Variants in SMARCAD1 observed in about 807,000 individuals in gnomAD.
The protein encoded by SMARCAD1 is SWI/SNF-related matrix-associated actin-dependent regulator of chromatin subfamily A containing DEAD/H box 1.
A neutral mutation model predicts 127.1 loss-of-function variants in SMARCAD1; 25 were observed. The observed-to-expected ratio is 0.20, with a 90% confidence interval of 0.14 to 0.27. The LOEUF is 0.27. Ranked by LOEUF, SMARCAD1 falls within the 10% of genes least tolerant of loss-of-function variation. The pLI is 1.00. For missense variants in SMARCAD1, 807 were observed against 1,206.0 expected, an observed-to-expected ratio of 0.67 and a Z score of 4.90; for synonymous variants, 400 against 396.9, an observed-to-expected ratio of 1.01 and a Z score of -0.09.
At chr4:94,252,424 T>C (rs1426333701) in intron 8 of SMARCAD1, among the ~76,000 whole-genome samples, 192 bp from the exon 9 acceptor site, 2 of 152,252 alleles carry the variant, frequency 1.3e-5, no homozygotes, top group East Asian at 3.8e-4. Context: ...AGTTATCACC[T>C]GCTTTTGAAA....
chr4:94,237,405 A>G (rs1364304111), intron 5 of SMARCAD1, among the ~76,000 whole-genome samples: 1 of 152,052 alleles, frequency 6.6e-6, no homozygotes, highest in Non-Finnish European at 1.5e-5. Context: ...GGCTTGGGAT[A>G]CAAAAATAAA....
At chr4:94,256,708 A>G (rs954648588) in intron 9 of SMARCAD1, among the ~76,000 whole-genome samples, 3 of 152,138 alleles carry the variant, frequency 2.0e-5, no homozygotes, top group African/African-American at 7.2e-5. Context: ...CCTGGCCTAA[A>G]TTGGCCACTT....
At chr4:94,267,822 A>G (rs1751959193) in intron 10 of SMARCAD1, among the ~76,000 whole-genome samples, 1 of 152,174 alleles carries the variant, frequency 6.6e-6, no homozygotes, top group Non-Finnish European at 1.5e-5. Flanking sequence ...TCTTAACAGT[A>G]AATTGGTGGT....
intron 5 of SMARCAD1, among the ~76,000 whole-genome samples, chr4:94,239,562 G>GTT (rs5860361): frequency 0.53 from 75,805 of 142,536 alleles, 20,230 homozygotes; most frequent in East Asian, 0.7. Flanking sequence ...GCCCTGTTGT[G>GTT]TTTTTTTTTT....
chr4:94,272,929 T>C (rs1752751623), intron 11 of SMARCAD1, among the ~76,000 whole-genome samples: 1 of 151,692 alleles, frequency 6.6e-6, no homozygotes, highest in Admixed American at 6.6e-5. Flanking sequence ...ACCTCAGCCC[T>C]CCCGAGTATC....
At chr4:94,241,045 C>T in intron 6 of SMARCAD1, 39 bp downstream of exon 6, 1 of 1,468,304 alleles carries the variant, frequency 6.8e-7, no homozygotes, top group South Asian at 1.1e-5. Context: ...AAATTGGCTG[C>T]TTAAGGTTAG....
rs574723604 is a variant in SMARCAD1 at position 94,257,835 on chromosome 4, T to G, written c.1281+4828T>G. Among the ~76,000 whole-genome samples the G allele has an allele frequency of 3.3e-5, 5 of 152,248 alleles. No individual in the cohort carries two copies. The South Asian group carries it at 1.0e-3, about 32-fold the overall frequency. ...CACTTTTTGTCATTTGTAGGTCTTATCTATCAACTTAATATTATAGACAAT... is the reference window on the plus strand; with the variant it reads ...CACTTTTTGTCATTTGTAGGTCTTAGCTATCAACTTAATATTATAGACAAT... On this transcript the variant is annotated intron_variant, in intron 9 of 23. Transcript: ENST00000354268.
chr4:94,261,696 G>C lies in SMARCAD1; in HGVS notation c.1282-3011G>C, dbSNP rs1218230373. Among the ~76,000 whole-genome samples the C allele has an allele frequency of 3.9e-5, 6 of 152,144 alleles. No individual in the cohort carries two copies. The East Asian group carries it at 1.2e-3, about 29-fold the overall frequency. On this transcript the variant is annotated intron_variant, in intron 9 of 23. Coordinates refer to ENST00000354268, the MANE Select transcript of SMARCAD1 (RefSeq NM_020159.5). ...GGCGTCTTGGCTCACTGCAACCTCT[G>C]ACTCCCGGGCTCAAGCCATCGTCCC...
chr4:94,266,432 G>A (rs1751740060), intron 10 of SMARCAD1, among the ~76,000 whole-genome samples: 1 of 152,050 alleles, frequency 6.6e-6, no homozygotes, highest in Non-Finnish European at 1.5e-5. Context: ...AAAAATAGTT[G>A]TTGTTGTTGT....
At chr4:94,245,941 G>A (rs1369995840) in intron 6 of SMARCAD1, among the ~76,000 whole-genome samples, 5 of 152,058 alleles carry the variant, frequency 3.3e-5, no homozygotes, top group African/African-American at 1.2e-4. Context: ...TCTCTAAAAC[G>A]ATTTTCCCAC....
At chr4:94,247,025 T>C (rs537671291) in intron 6 of SMARCAD1, among the ~76,000 whole-genome samples, 1 of 152,234 alleles carries the variant, frequency 6.6e-6, no homozygotes, top group Non-Finnish European at 1.5e-5. Flanking sequence ...GCAAGACTCA[T>C]CTACTTTTTG....
At chr4:94,242,336 C>T (rs142693340) in intron 6 of SMARCAD1, among the ~76,000 whole-genome samples, 121 of 152,166 alleles carry the variant, frequency 8.0e-4, no homozygotes, top group South Asian at 5.2e-3. Flanking sequence ...TGAGCCACCA[C>T]GCCCGGCTGT....
chr4:94,261,700 C>T (rs936744844), intron 9 of SMARCAD1, among the ~76,000 whole-genome samples: 2 of 152,202 alleles, frequency 1.3e-5, no homozygotes, highest in Non-Finnish European at 2.9e-5. Context: ...ACCTCTGACT[C>T]CCGGGCTCAA....
chr4:94,289,403 AT>A (rs1160055596), intron 23 of SMARCAD1, 69 bp from the exon 24 acceptor site: 20 of 1,394,344 alleles, frequency 1.4e-5, no homozygotes, highest in Admixed American at 1.7e-5. Flanking sequence ...AAGAAAAAAA[AT>A]AATTGAGACA....
upstream of SMARCAD1, chr4:94,207,632 T>TC (rs1741396183): frequency 6.5e-6 from 1 of 153,426 alleles, no homozygotes; most frequent in Admixed American, 6.5e-5. Flanking sequence ...TTAAGGTTTC[T>TC]CCGTGGTGTT....
intron 9 of SMARCAD1, 52 bp from the exon 10 acceptor site, chr4:94,264,655 T>A: frequency 6.6e-7 from 1 of 1,516,262 alleles, no homozygotes; most frequent in Non-Finnish European, 9.0e-7. Flanking sequence ...CAGGATTGCC[T>A]TTCTCTTTCC....
chr4:94,231,829 A>C (rs1357695325), intron 3 of SMARCAD1, among the ~76,000 whole-genome samples: 3 of 151,932 alleles, frequency 2.0e-5, no homozygotes, highest in Admixed American at 2.0e-4. Context: ...TAAAGAGATC[A>C]AGTCTTTTCT....
chr4:94,262,912 GA>G (rs33970526), intron 9 of SMARCAD1, among the ~76,000 whole-genome samples: 22,820 of 79,758 alleles, frequency 0.29, 1,968 homozygotes, highest in African/African-American at 0.31. Flanking sequence ...AAAAAAGAAA[GA>G]AAAGAAATGG....
chr4:94,220,269 A>G (rs1743904280), intron 2 of SMARCAD1, among the ~76,000 whole-genome samples: 1 of 151,926 alleles, frequency 6.6e-6, no homozygotes, highest in African/African-American at 2.4e-5. Context: ...TTTTTTTGAG[A>G]TGGAATTTTG....
Sources: allele counts gnomAD v4.1 joint callset (sites outside exome capture counted in the v4.1 genomes callset), GRCh38; gene constraint gnomAD v4.1.1; transcripts MANE v1.5; gene names NCBI Gene and HGNC (gene_info 2026-07-23, HGNC 2026-07-21).